The following PIK3AP1 variants were observed in gnomAD, a reference collection of about 807,000 sequenced individuals.
PIK3AP1 encodes the protein phosphoinositide-3-kinase adaptor protein 1.
Under a neutral mutation model 88.1 loss-of-function variants are expected in PIK3AP1, and 21 were observed. That is an observed-to-expected ratio of 0.24 (90% CI 0.17 to 0.34). The LOEUF (loss-of-function observed/expected upper bound fraction) is 0.34, where lower values mean the gene tolerates loss of function less well. Among genes scored for constraint, PIK3AP1 ranks in the 10% least tolerant of loss-of-function variants. The probability of loss-of-function intolerance (pLI) is 1.00; values close to 1 mark genes in which losing one functional copy is unlikely to be tolerated. For missense variants in PIK3AP1, 828 were observed against 1,035.7 expected (o/e 0.80, Z 2.75); for synonymous variants, 398 against 400.0 (o/e 1.00, Z 0.06).
At chr10:96,656,655 G>C in intron 3 of PIK3AP1, 143 bp downstream of exon 3, 2 of 1,204,154 alleles carry the variant, frequency 1.7e-6, no homozygotes, top group Non-Finnish European at 2.3e-6. Context: ...CCGGGTAACA[G>C]GGTACTCAAA....
chr10:96,702,927 A>C (rs1400150100), intron 2 of PIK3AP1, among the ~76,000 whole-genome samples: 1 of 152,024 alleles, frequency 6.6e-6, no homozygotes, highest in Non-Finnish European at 1.5e-5. Flanking sequence ...CCCAGGCTGG[A>C]GTGCAGTGCT....
chr10:96,616,532 G>A (rs1237824201), intron 13 of PIK3AP1, 107 bp downstream of exon 13: 4 of 1,151,388 alleles, frequency 3.5e-6, no homozygotes, highest in Non-Finnish European at 2.6e-6. Flanking sequence ...AGTATGACGA[G>A]TGCTGGGCAA....
chr10:96,654,568 A>G (rs1055995211), intron 3 of PIK3AP1, among the ~76,000 whole-genome samples: 3 of 152,166 alleles, frequency 2.0e-5, no homozygotes, highest in African/African-American at 7.2e-5. Context: ...GCCAGGGAGC[A>G]TGAGGAGCCA....
intron 2 of PIK3AP1, among the ~76,000 whole-genome samples, chr10:96,657,241 C>T (rs1843627677): frequency 1.3e-5 from 2 of 152,076 alleles, no homozygotes; most frequent in Non-Finnish European, 2.9e-5. Context: ...CTGCAGACTT[C>T]CTGCAGGGAT....
At chr10:96,679,863 C>A (rs754120243) in intron 2 of PIK3AP1, among the ~76,000 whole-genome samples, 4 of 152,156 alleles carry the variant, frequency 2.6e-5, no homozygotes, top group Non-Finnish European at 4.4e-5. Flanking sequence ...AATATTCCCA[C>A]GAGCATGGAA....
intron 1 of PIK3AP1, among the ~76,000 whole-genome samples, chr10:96,715,232 T>G (rs1844486877): frequency 6.6e-6 from 1 of 152,296 alleles, no homozygotes; most frequent in Admixed American, 6.5e-5. Context: ...CTGAGGGCTA[T>G]TCTACAAAAT....
intron 13 of PIK3AP1, among the ~76,000 whole-genome samples, chr10:96,610,118 A>G (rs991464035): frequency 6.6e-6 from 1 of 152,178 alleles, no homozygotes; most frequent in African/African-American, 2.4e-5. Context: ...TGAGAAAGGG[A>G]CAGAGAAGCG....
intron 16 of PIK3AP1, among the ~76,000 whole-genome samples, chr10:96,601,895 CT>C (rs992601671): frequency 6.6e-6 from 1 of 151,888 alleles, no homozygotes; most frequent in Admixed American, 6.6e-5. Context: ...TGTACTTATT[CT>C]TTTTTTTGAG....
At chr10:96,633,933 T>C (rs1408080208) in intron 8 of PIK3AP1, among the ~76,000 whole-genome samples, 1 of 152,204 alleles carries the variant, frequency 6.6e-6, no homozygotes, top group East Asian at 1.9e-4. Flanking sequence ...TGCATTTTCT[T>C]TATCATGGCT....
chr10:96,720,425 G>A lies in PIK3AP1; in HGVS notation c.-31C>T, dbSNP rs1472038422. The A allele has an allele frequency of 1.6e-6, 2 of 1,233,204 alleles. No individual in the cohort carries two copies. Among genetic ancestry groups the A allele is most frequent in the East Asian group, 6.4e-5 (2 of 31,494 alleles). The allele number at this position is 1,233,204 out of a possible 1,614,324, so 76.4% of individuals were successfully genotyped here. A position where few individuals can be genotyped will look rare whatever the true frequency, so the allele number is the denominator to read the frequency against. Reference sequence around the variant, plus strand: ...GGGGCGCCGCTCACATCCCTGGCTCGCTGCGTGCCCGGGGCCGGGACCGGG... The same window carrying A: ...GGGGCGCCGCTCACATCCCTGGCTCACTGCGTGCCCGGGGCCGGGACCGGG... On this transcript the variant is annotated 5_prime_UTR_variant, in exon 1 of 17. Transcript: ENST00000339364. The surrounding 1 kb of genome is among the most constrained non-coding windows in gnomAD (Gnocchi z 4.6).
At chr10:96,698,183 G>A (rs1844246890) in intron 2 of PIK3AP1, among the ~76,000 whole-genome samples, 1 of 152,208 alleles carries the variant, frequency 6.6e-6, no homozygotes, top group Admixed American at 6.5e-5. Context: ...ATGGTAAGCT[G>A]TCATTTCGAG....
chr10:96,664,435 A>G (rs1474987918), intron 2 of PIK3AP1, among the ~76,000 whole-genome samples: 1 of 152,182 alleles, frequency 6.6e-6, no homozygotes, highest in Non-Finnish European at 1.5e-5. Flanking sequence ...CATAGTGAGA[A>G]AGCATTTCTT....
rs371985003 is a variant in PIK3AP1, at chr10:96,648,077, G to T, written c.1185+582C>A. Among the ~76,000 whole-genome samples the T allele has an allele frequency of 8.8e-4, 134 of 152,288 alleles. 1 individual carries two copies. Among genetic ancestry groups the T allele is most frequent in the African/African-American group, 3.2e-3 (132 of 41,554 alleles). On this transcript the variant is annotated intron_variant, in intron 7 of 16. Coordinates refer to ENST00000339364, the MANE Select transcript of PIK3AP1 (RefSeq NM_152309.3). ...AGGCAGGGGGTTAGAAAGAGAGAGC[G>T]AGGCTGTCAGCAGGAGGTGGGCCTT... is the stretch of plus-strand genomic sequence containing the variant.
Position 96,652,754 on chromosome 10 carries a change from G to C in PIK3AP1, c.656C>G (p.Ser219Cys), listed in dbSNP as rs759233500. 1.2e-6 allele frequency: 2 copies of C among 1,614,140 alleles called. No homozygotes were observed. Among genetic ancestry groups the C allele is most frequent in the Non-Finnish European group, 1.7e-6 (2 of 1,180,008 alleles). ...CTCCACCTTGGCTTCCATCCTTACAGAGGGAGAATCCTCAGGAGAAAACTC... is the reference window on the plus strand; with the variant it reads ...CTCCACCTTGGCTTCCATCCTTACACAGGGAGAATCCTCAGGAGAAAACTC... The part of the protein sequence containing the change: ...EAEFSPEDSP[S>C]VRMEAKVENE... The change falls in exon 4 of 17, where the codon TCT (serine) becomes TGT (cysteine). Residue 219 changes from serine to cysteine, a missense_variant. Around this residue, in one of 3 missense-constraint regions of PIK3AP1, gnomAD observed 610 missense variants for 760.1 expected, o/e 0.80. Coordinates refer to ENST00000339364, the MANE Select transcript of PIK3AP1 (RefSeq NM_152309.3).
rs3748234 is a variant in PIK3AP1 at position 96,620,520 on chromosome 10, C to T, written c.1773G>A (p.Ser591=). Residue 591 remains serine, a synonymous_variant, in exon 12 of 17, where the codon TCG becomes TCA. Coordinates refer to ENST00000339364, the MANE Select transcript of PIK3AP1 (RefSeq NM_152309.3). ...TTCCCGCAAAAGGGTCATATATACTCGACTGGGGCCTGTCCCTCCATGGTC... is the reference window on the plus strand; with the variant it reads ...TTCCCGCAAAAGGGTCATATATACTTGACTGGGGCCTGTCCCTCCATGGTC... ...PVRPWRDRPQ[S]SIYDPFAGMK... 0.62 allele frequency: 998,309 copies of T among 1,613,034 alleles called. 314,073 individuals are homozygous for T. Among genetic ancestry groups the T allele is most frequent in the East Asian group, 0.83 (37,401 of 44,854 alleles).
At chr10:96,628,905 T>TAA in intron 8 of PIK3AP1, among the ~76,000 whole-genome samples, 1 of 13,034 alleles carries the variant, frequency 7.7e-5, no homozygotes, top group African/African-American at 1.6e-4. Flanking sequence ...TATATATATA[T>TAA]ATGTGTATAT....
At chr10:96,658,454 C>A (rs548713375) in intron 2 of PIK3AP1, among the ~76,000 whole-genome samples, 62 of 152,276 alleles carry the variant, frequency 4.1e-4, no homozygotes, top group Middle Eastern at 6.8e-3. Flanking sequence ...TGTGCTTCCA[C>A]AACCATAAAG....
At chr10:96,651,092 A>C (rs1843530535) in intron 6 of PIK3AP1, among the ~76,000 whole-genome samples, 156 bp downstream of exon 6, 1 of 152,250 alleles carries the variant, frequency 6.6e-6, no homozygotes, top group African/African-American at 2.4e-5. Flanking sequence ...GAATGAGGCT[A>C]ACCAGTCAAG....
chr10:96,598,065 A>G (rs1231572315), intron 16 of PIK3AP1, among the ~76,000 whole-genome samples: 1 of 134,958 alleles, frequency 7.4e-6, no homozygotes, highest in Non-Finnish European at 1.6e-5. Context: ...TTTTTTTGAG[A>G]CATGGACTCA....
Sources: allele counts gnomAD v4.1 joint callset (sites outside exome capture counted in the v4.1 genomes callset), GRCh38; gene constraint gnomAD v4.1.1; regional missense constraint gnomAD v4.1.1; non-coding constraint Gnocchi (gnomAD v3.1); transcripts MANE v1.5; gene names NCBI Gene and HGNC (gene_info 2026-07-23, HGNC 2026-07-21).